NMUR1: variants seen among roughly 807,000 people sequenced by gnomAD.
The protein encoded by NMUR1 is neuromedin U receptor 1, also known as neuromedin-U receptor 1.
A neutral mutation model predicts 18.8 loss-of-function variants in NMUR1; 16 were observed. That is an observed-to-expected ratio of 0.85 (90% confidence interval 0.58 to 1.29). The LOEUF (loss-of-function observed/expected upper bound fraction) is 1.29, where lower values mean the gene tolerates loss of function less well. Among genes scored for constraint, NMUR1 ranks in the 50% most tolerant of loss-of-function variants. The pLI is 0.00. For missense variants in NMUR1, 529 were observed against 580.3 expected, an observed-to-expected ratio of 0.91 and a Z score of 0.91; for synonymous variants, 258 against 258.2, an observed-to-expected ratio of 1.00 and a Z score of 0.01.
chr2:231,527,772 G>C (rs764003068), intron 2 of NMUR1, among the ~76,000 whole-genome samples: 1 of 151,992 alleles, frequency 6.6e-6, no homozygotes. Context: ...AGGGCCCCAA[G>C]TTTAGCAGGG....
chr2:231,521,874 C>T (rs1256642887), downstream of NMUR1, among the ~76,000 whole-genome samples: 1 of 151,894 alleles, frequency 6.6e-6, no homozygotes, highest in African/African-American at 2.4e-5. Context: ...ATCTGCTATT[C>T]CCGTTTTCCA....
At position 231,528,459 on chromosome 2, in the gene NMUR1, G is replaced by C. The variant is rs1166823502; in HGVS notation, c.562C>G (p.Leu188Val). Residue 188 changes from leucine (L) to valine (V), a missense_variant, in exon 2 of 3, where the codon CTT becomes GTT. Transcript: ENST00000305141. ...VRRVLGAVWGLAMLCSLPNTS... is the reference protein window; with the variant it reads ...VRRVLGAVWGVAMLCSLPNTS... Reference sequence around the variant, plus strand: ...TTGGGCAGGGAGCAGAGCATGGCAAGACCCCAGACGGCCCCAAGCACTCGG... The same window carrying C: ...TTGGGCAGGGAGCAGAGCATGGCAACACCCCAGACGGCCCCAAGCACTCGG... 6.2e-7 allele frequency: 1 copy of C among 1,613,628 alleles called. No individual in the cohort carries two copies. The highest frequency in any genetic ancestry group is 8.5e-7 in the Non-Finnish European group (1 of 1,180,032).
rs2047347105 is a variant in NMUR1, at chr2:231,525,442, G to A, written c.899-17C>T. The A allele has an allele frequency of 4.4e-6, 7 of 1,587,362 alleles. No homozygotes were observed. Among genetic ancestry groups the A allele is most frequent in the Non-Finnish European group, 6.0e-6 (7 of 1,164,694 alleles). Reference sequence around the variant, plus strand: ...CCAGGACAACTGCAGGGACAGAGAAGGGAGGCCGAGTGCCCGCCCGAGGCC... The same window carrying A: ...CCAGGACAACTGCAGGGACAGAGAAAGGAGGCCGAGTGCCCGCCCGAGGCC... On this transcript the variant is annotated splice_polypyrimidine_tract_variant and intron_variant, in intron 2 of 2. Coordinates refer to ENST00000305141, the MANE Select transcript of NMUR1 (RefSeq NM_006056.5).
At chr2:231,528,099 C>T (rs1247039259) in intron 2 of NMUR1, 24 bp downstream of exon 2, 5 of 1,523,178 alleles carry the variant, frequency 3.3e-6, no homozygotes, top group South Asian at 2.5e-5. Flanking sequence ...TGGCTCAGCC[C>T]CTCTTCCCAG....
chr2:231,529,031 G>T lies in NMUR1; in HGVS notation c.4-14C>A. The T allele has an allele frequency of 6.3e-7, 1 of 1,580,012 alleles. No homozygotes were observed. Among genetic ancestry groups the T allele is most frequent in the South Asian group, 1.1e-5 (1 of 87,830 alleles). ...GCAGAGAGGAGTCTGTGGAACAGAG[G>T]GGAGAGATGCCCAGAAAGATCATTC... On this transcript the variant is annotated splice_polypyrimidine_tract_variant and intron_variant, in intron 1 of 2. Coordinates refer to ENST00000305141, the MANE Select transcript of NMUR1 (RefSeq NM_006056.5).
At chr2:231,529,073 G>A in intron 1 of NMUR1, 56 bp from the exon 2 acceptor site, 1 of 1,497,202 alleles carries the variant, frequency 6.7e-7, no homozygotes, top group Non-Finnish European at 8.9e-7. Context: ...TGCTGGCTCT[G>A]TCCTCACTCA....
At chr2:231,527,303 A>G (rs1364159471) in intron 2 of NMUR1, among the ~76,000 whole-genome samples, 1 of 152,212 alleles carries the variant, frequency 6.6e-6, no homozygotes, top group Non-Finnish European at 1.5e-5. Context: ...GCCGGTGGCC[A>G]TGCCTCACAG....
rs546856051 is a variant in NMUR1, at chr2:231,523,588, A to C, written c.*1455T>G. ...GTCCTCCACTTTCTCGGCAGGGAGCATGAGCTATGGGCATGAGCTAGGAAG... is the reference window on the plus strand; with the variant it reads ...GTCCTCCACTTTCTCGGCAGGGAGCCTGAGCTATGGGCATGAGCTAGGAAG... On this transcript the variant is annotated 3_prime_UTR_variant, in exon 3 of 3. Transcript: ENST00000305141. 4 of 176,208 alleles carry C rather than the reference A, an allele frequency of 2.3e-5. No homozygotes were observed. The highest frequency in any genetic ancestry group is 9.4e-5 in the African/African-American group (4 of 42,754). 10.9% of individuals were successfully genotyped at this position (176,208 alleles called of 1,614,324 possible).
chr2:231,528,000 G>A (rs891789978), intron 2 of NMUR1, 123 bp downstream of exon 2: 18 of 662,396 alleles, frequency 2.7e-5, no homozygotes, highest in South Asian at 5.6e-5. Context: ...ACACACACAC[G>A]AGACTAGAGG....
chr2:231,526,696 G>T lies in NMUR1; in HGVS notation c.899-1271C>A, dbSNP rs549758202. On this transcript the variant is annotated intron_variant, in intron 2 of 2. Coordinates refer to ENST00000305141, the MANE Select transcript of NMUR1 (RefSeq NM_006056.5). The stretch of plus-strand genomic sequence containing the variant: ...AGCGAGTCACTCTGGAGATGGGGCG[G>T]CCCCCAGTTAGCTGGCTCTGTCCAA... Among the ~76,000 whole-genome samples the T allele has an allele frequency of 1.1e-4, 17 of 152,290 alleles. No homozygotes were observed. The East Asian group carries it at 2.7e-3, about 24-fold the overall frequency.
Position 231,529,025 on chromosome 2 carries a change from A to C in NMUR1, c.4-8T>G. Reference sequence around the variant, plus strand: ...ATTGAGGCAGAGAGGAGTCTGTGGAACAGAGGGGAGAGATGCCCAGAAAGA... The same window carrying C: ...ATTGAGGCAGAGAGGAGTCTGTGGACCAGAGGGGAGAGATGCCCAGAAAGA... On this transcript the variant is annotated splice_polypyrimidine_tract_variant and splice_region_variant and intron_variant, in intron 1 of 2. Coordinates refer to ENST00000305141, the MANE Select transcript of NMUR1 (RefSeq NM_006056.5). The C allele has an allele frequency of 2.5e-6, 4 of 1,590,412 alleles. No homozygotes were observed. In the South Asian group the frequency reaches 3.4e-5, roughly 13 times the overall value.
At chr2:231,525,609 C>T (rs2047348700) in intron 2 of NMUR1, among the ~76,000 whole-genome samples, 184 bp from the exon 3 acceptor site, 1 of 152,218 alleles carries the variant, frequency 6.6e-6, no homozygotes, top group African/African-American at 2.4e-5. Flanking sequence ...GAGAGGCTGC[C>T]CTCACCATGG....
downstream of NMUR1, chr2:231,523,183 C>T (rs1476646965): frequency 5.7e-6 from 2 of 350,928 alleles, no homozygotes; most frequent in East Asian, 3.8e-5. Context: ...GCCACTGTTA[C>T]TGCTTCAGAG....
At position 231,523,946 on chromosome 2, in the gene NMUR1, C is replaced by T. The variant is rs1421779349; in HGVS notation, c.*1097G>A. ...TCCAATGCTCTGCTCACTGGACTCC[C>T]GAGCCAGCCTGCACGTATGTGAGGA... On this transcript the variant is annotated 3_prime_UTR_variant, in exon 3 of 3. Coordinates refer to ENST00000305141, the MANE Select transcript of NMUR1 (RefSeq NM_006056.5). 2.0e-5 allele frequency: 3 copies of T among 152,382 alleles called. No homozygotes were observed. The highest frequency in any genetic ancestry group is 1.9e-4 in the East Asian group (1 of 5,202). The allele number at this position is 152,382 out of a possible 1,614,324, so 9.4% of individuals were successfully genotyped here. A position where few individuals can be genotyped will look rare whatever the true frequency, so the allele number is the denominator to read the frequency against.
chr2:231,530,424 G>T lies in NMUR1; in HGVS notation c.-63C>A, dbSNP rs2047403841. On this transcript the variant is annotated 5_prime_UTR_variant, in exon 1 of 3. Transcript: ENST00000305141. The stretch of plus-strand genomic sequence containing the variant: ...CGAGCGACGGACACAGACGCGGCGC[G>T]GGAGCCAGTGGACTGACTGACAGCG... The T allele has an allele frequency of 1.4e-6, 2 of 1,454,300 alleles. No individual in the cohort carries two copies. Among genetic ancestry groups the T allele is most frequent in the Admixed American group, 5.1e-5 (2 of 39,134 alleles). 90.1% of individuals were successfully genotyped at this position (1,454,300 alleles called of 1,614,324 possible). A position where few individuals can be genotyped will look rare whatever the true frequency, so the allele number is the denominator to read the frequency against.
Position 231,525,369 on chromosome 2 carries a change from TGAC to T in NMUR1, c.952_954del (p.Val318del), listed in dbSNP as rs767606045. ...GTCCACTGTGACACGACGCTCCACA[TGAC>T]GCGGTCGGCGTGGAACGGGGCCCAG... On this transcript the variant is annotated inframe_deletion, in exon 3 of 3. Coordinates refer to ENST00000305141, the MANE Select transcript of NMUR1 (RefSeq NM_006056.5). The T allele has an allele frequency of 5.6e-6, 9 of 1,614,036 alleles. No individual in the cohort carries two copies. The Admixed American group carries it at 1.5e-4, about 27-fold the overall frequency.
chr2:231,529,467 C>A (rs1417040041), intron 1 of NMUR1, among the ~76,000 whole-genome samples: 8 of 149,460 alleles, frequency 5.4e-5, no homozygotes, highest in Admixed American at 4.0e-4. Context: ...CTCAAAAAAA[C>A]AAAAAGCAAA....
intron 1 of NMUR1, among the ~76,000 whole-genome samples, chr2:231,529,235 G>A (rs575343377): frequency 2.0e-5 from 3 of 152,214 alleles, no homozygotes; most frequent in East Asian, 1.9e-4. Flanking sequence ...CGAGGCAGGC[G>A]GATCACTTGA....
At chr2:231,529,157 T>G in intron 1 of NMUR1, 140 bp from the exon 2 acceptor site, 1 of 841,604 alleles carries the variant, frequency 1.2e-6, no homozygotes, top group Non-Finnish European at 1.8e-6. Context: ...AACTCTTCCA[T>G]CCACAAGTCA....
Sources: gnomAD v4.1 joint callset for allele counts (sites outside exome capture counted in the v4.1 genomes callset) on GRCh38, gnomAD v4.1.1 for gene constraint, MANE v1.5 for transcripts, NCBI Gene and HGNC (gene_info 2026-07-23, HGNC 2026-07-21) for gene names.